The following DYM variants were observed in gnomAD, a reference collection of about 807,000 sequenced individuals.
The protein encoded by DYM is dyggve-Melchior-Clausen syndrome protein.
A neutral mutation model predicts 93.1 loss-of-function variants in DYM; 78 were observed. The ratio of observed to expected loss-of-function variants is 0.84; its 90% CI spans 0.70 to 1.01. The LOEUF is 1.01. Ranked by LOEUF, DYM falls within the 50% of genes least tolerant of loss-of-function variation. The pLI is 0.00. For synonymous variants in DYM, 321 were observed against 319.7 expected, an observed-to-expected ratio of 1.00 and a Z score of -0.04; for missense variants, 789 against 845.0, an observed-to-expected ratio of 0.93 and a Z score of 0.82.
chr18:49,076,771 G>T (rs1243242627), intron 17 of DYM, among the ~76,000 whole-genome samples: 7 of 152,148 alleles, frequency 4.6e-5, no homozygotes, highest in Non-Finnish European at 8.8e-5. Flanking sequence ...TGCACATAAA[G>T]AAGCCTGGTT....
At chr18:49,215,960 C>G (rs529430233) in intron 13 of DYM, among the ~76,000 whole-genome samples, 1 of 104,694 alleles carries the variant, frequency 9.6e-6, no homozygotes, top group African/African-American at 3.2e-5. Context: ...TTGCCTCACT[C>G]GGGAAGCGCA....
At chr18:49,376,024 G>T (rs1244659869) in intron 5 of DYM, among the ~76,000 whole-genome samples, 1 of 152,124 alleles carries the variant, frequency 6.6e-6, no homozygotes, top group Non-Finnish European at 1.5e-5. Context: ...AGGCTGCACT[G>T]TCAGCCCTAC....
intron 15 of DYM, among the ~76,000 whole-genome samples, chr18:49,136,286 T>C (rs1288994407): frequency 6.6e-6 from 1 of 152,236 alleles, no homozygotes; most frequent in South Asian, 2.1e-4. Context: ...TCAGTCCAAA[T>C]AGCACTGGAC....
intron 11 of DYM, among the ~76,000 whole-genome samples, chr18:49,268,404 C>T (rs918321749): frequency 2.0e-5 from 3 of 152,172 alleles, no homozygotes; most frequent in African/African-American, 4.8e-5. Context: ...TGGAACTGAA[C>T]TCAATGTGAA....
Position 49,206,974 on chromosome 18 carries a change from G to T in DYM, c.1625+2577C>A, listed in dbSNP as rs897529879. ...GTTGGCTGAACTCTGCTGGGCATCA[G>T]GGGAAGGAGGCTCAGGAATTGGACA... On this transcript the variant is annotated intron_variant, in intron 14 of 17. Transcript: ENST00000675505. Among the ~76,000 whole-genome samples the T allele has an allele frequency of 2.0e-5, 3 of 152,216 alleles. No homozygotes were observed. The East Asian group carries it at 5.8e-4, about 29-fold the overall frequency.
chr18:49,096,741 T>A (rs561960606), intron 17 of DYM, among the ~76,000 whole-genome samples: 7 of 152,196 alleles, frequency 4.6e-5, no homozygotes, highest in Non-Finnish European at 1.0e-4. Flanking sequence ...TGTAAATGCC[T>A]TCTTCAAATA....
Position 49,044,171 on chromosome 18 carries a change from C to T in DYM, c.2059G>A (p.Glu687Lys). Residue 687 changes from glutamate to lysine, a missense_variant, in exon 18 of 18, where the codon GAG becomes AAG. This residue lies in a region of DYM where 114 missense variants were observed against 105.8 expected (regional missense o/e 1.08). Coordinates refer to ENST00000675505, the MANE Select transcript of DYM (RefSeq NM_001353214.3). ...FPELKFKYVE[E>K]EQPEEFFIPY... ...ATAAAAAACTCCTCGGGCTGCTCCTCTTCCACATATTTGAATTTCAATTCT... is the reference window on the plus strand; with the variant it reads ...ATAAAAAACTCCTCGGGCTGCTCCTTTTCCACATATTTGAATTTCAATTCT... 1 of 1,614,194 alleles carries T rather than the reference C, an allele frequency of 6.2e-7. No homozygotes were observed. Among genetic ancestry groups the T allele is most frequent in the Non-Finnish European group, 8.5e-7 (1 of 1,180,038 alleles).
In DYM at chr18:49,226,960, T is replaced by C. The variant is rs192668886; in HGVS notation, c.1461-17245A>G. ...TCATCCAGAGAAATTAAGATACTTG[T>C]TTTAAAAAAATCTAGACTTTGGGGG... On this transcript the variant is annotated intron_variant, in intron 13 of 17. Coordinates refer to ENST00000675505, the MANE Select transcript of DYM (RefSeq NM_001353214.3). Among the ~76,000 whole-genome samples the C allele has an allele frequency of 7.9e-5, 12 of 152,266 alleles. No homozygotes were observed. The East Asian group carries it at 2.1e-3, about 27-fold the overall frequency.
rs972271933 is a variant in DYM, at chr18:49,232,609, T to TTC, written c.1461-22895_1461-22894insGA. On this transcript the variant is annotated intron_variant, in intron 13 of 17. Transcript: ENST00000675505. Reference sequence around the variant, plus strand: ...GAGCCACTGTGCCCGGCCTCTTTTTTTTTTTTTTTTTTTTTTTTGGAAACA... The same window carrying TTC: ...GAGCCACTGTGCCCGGCCTCTTTTTTTCTTTTTTTTTTTTTTTTTTGGAAACA... Among the ~76,000 whole-genome samples, 98 of 81,692 alleles carry TTC rather than the reference T, an allele frequency of 1.2e-3. 2 individuals carry two copies. The East Asian group carries it at 0.034, about 28-fold the overall frequency. The allele number at this position is 81,692 out of a possible 152,430, so 53.6% of individuals were successfully genotyped here. A position where few individuals can be genotyped will look rare whatever the true frequency, so the allele number is the denominator to read the frequency against.
At chr18:49,059,520 G>T (rs2075777386) in intron 17 of DYM, among the ~76,000 whole-genome samples, 1 of 152,182 alleles carries the variant, frequency 6.6e-6, no homozygotes, top group Admixed American at 6.5e-5. Context: ...TGATGGGTCT[G>T]CATCACTGAG....
intron 14 of DYM, among the ~76,000 whole-genome samples, chr18:49,199,804 C>T (rs2091851850): frequency 6.6e-6 from 1 of 152,122 alleles, no homozygotes; most frequent in Non-Finnish European, 1.5e-5. Context: ...TAGATTTAGA[C>T]TGAAGATGCA....
chr18:49,424,928 T>A (rs1267767579), intron 2 of DYM, among the ~76,000 whole-genome samples: 1 of 152,136 alleles, frequency 6.6e-6, no homozygotes, highest in Admixed American at 6.6e-5. Context: ...TCCATGCTCA[T>A]GGATAGGAAG....
At chr18:49,396,401 A>AT (rs931849407) in intron 2 of DYM, among the ~76,000 whole-genome samples, 14 of 151,616 alleles carry the variant, frequency 9.2e-5, no homozygotes, top group African/African-American at 1.9e-4. Flanking sequence ...CTGATTTCAG[A>AT]TTTTTTTTTC....
At chr18:49,149,702 G>GTTTTTTTTTTT (rs35259913) in intron 15 of DYM, among the ~76,000 whole-genome samples, 1 of 76,844 alleles carries the variant, frequency 1.3e-5, no homozygotes, top group South Asian at 5.6e-4. Context: ...ATTACAAAGT[G>GTTTTTTTTTTT]TTTTTTTTTT....
chr18:49,318,867 C>T (rs1464243063), intron 8 of DYM, among the ~76,000 whole-genome samples: 2 of 135,916 alleles, frequency 1.5e-5, no homozygotes, highest in African/African-American at 5.6e-5. Context: ...GTGGCACGAT[C>T]TCGGCTCACT....
At chr18:49,289,553 A>T (rs1297342372) in intron 8 of DYM, among the ~76,000 whole-genome samples, 1 of 149,300 alleles carries the variant, frequency 6.7e-6, no homozygotes, top group African/African-American at 2.5e-5. Flanking sequence ...AATAATAATT[A>T]AAAAAGAAAT....
intron 11 of DYM, among the ~76,000 whole-genome samples, chr18:49,263,442 A>G (rs1008508067): frequency 6.7e-6 from 1 of 149,866 alleles, no homozygotes; most frequent in Non-Finnish European, 1.5e-5. Flanking sequence ...TTAAAAATAA[A>G]TGTATAGGCT....
intron 14 of DYM, among the ~76,000 whole-genome samples, chr18:49,165,954 C>T (rs1213558196): frequency 6.6e-6 from 1 of 152,076 alleles, no homozygotes; most frequent in Non-Finnish European, 1.5e-5. Flanking sequence ...TAGGAGAGAG[C>T]AAGAAAATTG....
intron 14 of DYM, among the ~76,000 whole-genome samples, chr18:49,200,176 A>G (rs1370628066): frequency 2.6e-5 from 4 of 152,204 alleles, no homozygotes; most frequent in African/African-American, 7.2e-5. Context: ...AAAGACATAC[A>G]TGTAACTTAG....
Sources: allele counts gnomAD v4.1 joint callset (sites outside exome capture counted in the v4.1 genomes callset), GRCh38; gene constraint gnomAD v4.1.1; regional missense constraint gnomAD v4.1.1; transcripts MANE v1.5; gene names NCBI Gene and HGNC (gene_info 2026-07-23, HGNC 2026-07-21).